The following CDH23 variants were observed in gnomAD, a reference collection of about 807,000 sequenced individuals.
CDH23 encodes the protein cadherin-23.
CDH23 carries 189 observed loss-of-function variants against 317.1 expected under a neutral mutation model. The observed-to-expected ratio is 0.60, with a 90% CI of 0.53 to 0.67. CDH23 has a LOEUF of 0.67. Among genes scored for constraint, CDH23 ranks in the 30% least tolerant of loss-of-function variants. CDH23 has a pLI of 0.00. For synonymous variants in CDH23, 1,839 were observed against 1,876.8 expected (o/e 0.98, Z 0.52); for missense variants, 4,401 against 4,592.4 (o/e 0.96, Z 1.20).
chr10:71,672,988 A>T (rs1489511271), intron 14 of CDH23, among the ~76,000 whole-genome samples: 1 of 151,338 alleles, frequency 6.6e-6, no homozygotes, highest in African/African-American at 2.4e-5. Context: ...TCCACCTCCT[A>T]GCCTGCTGTC....
At chr10:71,743,818 T>C (rs9415036) in intron 38 of CDH23, among the ~76,000 whole-genome samples, 116,198 of 152,128 alleles carry the variant, frequency 0.76, 44,591 homozygotes, top group East Asian at 0.82. Flanking sequence ...TGCATTTTCC[T>C]ACAGAGCAAA....
intron 6 of CDH23, among the ~76,000 whole-genome samples, chr10:71,529,319 C>T (rs973287037): frequency 5.3e-5 from 8 of 152,176 alleles, no homozygotes; most frequent in Non-Finnish European, 1.2e-4. Context: ...GAGGGACCCA[C>T]CCAGGGTGGC....
At chr10:71,439,373 T>G (rs994616171) in intron 1 of CDH23, among the ~76,000 whole-genome samples, 2 of 152,200 alleles carry the variant, frequency 1.3e-5, no homozygotes, top group Non-Finnish European at 2.9e-5. Context: ...CCAAGCCCCC[T>G]GTTAGACCGC....
chr10:71,436,757 C>T (rs1197666756), intron 1 of CDH23, among the ~76,000 whole-genome samples: 3 of 152,222 alleles, frequency 2.0e-5, no homozygotes, highest in African/African-American at 7.2e-5. Context: ...ATGGTGTGCT[C>T]TCCCCAGCTA....
In CDH23 at chr10:71,806,209, C is replaced by G. The variant is rs558564568; in HGVS notation, c.8106C>G (p.Tyr2702Ter). Residue 2702 changes from tyrosine to a stop codon, truncating the protein, a stop_gained, in exon 57 of 70, where the codon TAC becomes TAG. Transcript: ENST00000224721. LOFTEE classifies it high-confidence loss of function. ...GCGACCTGGGCCAGCCAGTGCCATA[C>G]GAGACTATGCAGCCGCTGCAGGTGG... ...VASDLGQPVP[Y>*]ETMQPLQVAL... The G allele has an allele frequency of 1.9e-6, 3 of 1,578,716 alleles. No homozygotes were observed. Among genetic ancestry groups the G allele is most frequent in the Non-Finnish European group, 1.7e-6 (2 of 1,162,510 alleles).
intron 9 of CDH23, among the ~76,000 whole-genome samples, chr10:71,588,123 G>T (rs995367778): frequency 3.3e-5 from 5 of 152,146 alleles, no homozygotes; most frequent in African/African-American, 1.2e-4. Context: ...CAGCCAGATG[G>T]AGTTCTAGTT....
At chr10:71,653,414 G>A (rs1023607532) in intron 14 of CDH23, among the ~76,000 whole-genome samples, 8 of 152,170 alleles carry the variant, frequency 5.3e-5, no homozygotes, top group African/African-American at 1.7e-4. Flanking sequence ...CAGCCTTCAG[G>A]CTCAGAGATC....
rs542998518 is a variant in CDH23 at position 71,807,509 on chromosome 10, C to G, written c.8309-7C>G. On this transcript the variant is annotated splice_region_variant and splice_polypyrimidine_tract_variant and intron_variant, in intron 58 of 69. Coordinates refer to ENST00000224721, the MANE Select transcript of CDH23 (RefSeq NM_022124.6). Reference sequence around the variant, plus strand: ...CCCCTCACCCTGTGCCATGATCCCACCCTCAGCCGGCAACGAAGAGAAGAA... The same window carrying G: ...CCCCTCACCCTGTGCCATGATCCCAGCCTCAGCCGGCAACGAAGAGAAGAA... 1 of 1,613,574 alleles carries G rather than the reference C, an allele frequency of 6.2e-7. No individual in the cohort carries two copies. The highest frequency in any genetic ancestry group is 8.5e-7 in the Non-Finnish European group (1 of 1,179,670).
At chr10:71,675,972 C>A (rs1864349418) in intron 15 of CDH23, among the ~76,000 whole-genome samples, 1 of 134,044 alleles carries the variant, frequency 7.5e-6, no homozygotes, top group South Asian at 2.4e-4. Context: ...ATGGTGCAAT[C>A]TCAGCTCAAA....
intron 6 of CDH23, among the ~76,000 whole-genome samples, chr10:71,526,082 G>A (rs1036192326): frequency 1.3e-5 from 2 of 152,210 alleles, no homozygotes; most frequent in East Asian, 1.9e-4. Context: ...GCAAAAGCTC[G>A]GCCCTCTGCA....
At chr10:71,540,238 A>G (rs766925044) in intron 6 of CDH23, among the ~76,000 whole-genome samples, 1 of 152,148 alleles carries the variant, frequency 6.6e-6, no homozygotes, top group Non-Finnish European at 1.5e-5. Context: ...GGTCTGCACT[A>G]GGGAACCCAC....
chr10:71,441,072 G>A (rs1849853656), intron 2 of CDH23, among the ~76,000 whole-genome samples: 1 of 152,144 alleles, frequency 6.6e-6, no homozygotes, highest in African/African-American at 2.4e-5. Context: ...CAGGAGTACA[G>A]CACAGTCTCA....
At chr10:71,812,095 G>T (rs1841949694) in intron 66 of CDH23, 80 bp downstream of exon 66, 3 of 1,609,590 alleles carry the variant, frequency 1.9e-6, no homozygotes, top group African/African-American at 1.3e-5. Context: ...CAGTCTCCCA[G>T]CGCTGGGGCT....
chr10:71,529,761 C>T (rs115258547), intron 6 of CDH23, among the ~76,000 whole-genome samples: 4,074 of 152,102 alleles, frequency 0.027, 186 homozygotes, highest in African/African-American at 0.093. Flanking sequence ...GGGTGGCTCC[C>T]GGCCACCTGA....
In CDH23 at chr10:71,779,415, T is replaced by A. The variant is rs1589416991; in HGVS notation, c.5336T>A (p.Val1779Glu). 1 of 1,612,328 alleles carries A rather than the reference T, an allele frequency of 6.2e-7. No individual in the cohort carries two copies. Among genetic ancestry groups the A allele is most frequent in the South Asian group, 1.1e-5 (1 of 91,018 alleles). The change falls in exon 41 of 70, where the codon GTG becomes GAG. Residue 1779 changes from valine (V) to glutamate (E), a missense_variant. Val to Glu is a moderately radical substitution (Grantham distance 121). Transcript: ENST00000224721. Reference sequence around the variant, plus strand: ...CGAGACTCAGGACCCAACGGGCAGGTGGAGTACAGCATCATGGATGGAGAC... The same window carrying A: ...CGAGACTCAGGACCCAACGGGCAGGAGGAGTACAGCATCATGGATGGAGAC... The part of the protein sequence containing the change: ...HDRDSGPNGQ[V>E]EYSIMDGDPL...
intron 9 of CDH23, among the ~76,000 whole-genome samples, chr10:71,589,267 C>G (rs541259999): frequency 1.3e-5 from 2 of 152,078 alleles, no homozygotes; most frequent in Non-Finnish European, 2.9e-5. Flanking sequence ...CTACAGGCAC[C>G]CGCCACCACA....
At chr10:71,604,066 G>A (rs574900630) in intron 9 of CDH23, among the ~76,000 whole-genome samples, 24 of 152,268 alleles carry the variant, frequency 1.6e-4, no homozygotes, top group Admixed American at 1.3e-3. Context: ...GTGACTTCAG[G>A]CAAATCATTT....
Position 71,740,893 on chromosome 10 carries a change from C to A in CDH23, c.4560C>A (p.Ile1520=), listed in dbSNP as rs1319263813. The A allele has an allele frequency of 1.2e-6, 2 of 1,614,010 alleles. No homozygotes were observed. The highest frequency in any genetic ancestry group is 1.7e-6 in the Non-Finnish European group (2 of 1,179,894). Residue 1520 remains isoleucine, a synonymous_variant, in exon 37 of 70, where the codon ATC becomes ATA. Transcript: ENST00000224721. ...TCCTGCAGGTGACCATCCTGGACATCAATGACAACCCTCCAGTCATCGAGA... is the reference window on the plus strand; with the variant it reads ...TCCTGCAGGTGACCATCCTGGACATAAATGACAACCCTCCAGTCATCGAGA... The part of the protein sequence containing the change: ...DHILQVTILD[I]NDNPPVIESP...
At chr10:71,487,095 A>G (rs753740073) in intron 3 of CDH23, among the ~76,000 whole-genome samples, 2 of 152,140 alleles carry the variant, frequency 1.3e-5, no homozygotes, top group Non-Finnish European at 2.9e-5. Context: ...CCTGCCTGGA[A>G]TGGCCTTCTC....
Sources: gnomAD v4.1 joint callset for allele counts (sites outside exome capture counted in the v4.1 genomes callset) on GRCh38, gnomAD v4.1.1 for gene constraint, MANE v1.5 for transcripts, NCBI Gene and HGNC (gene_info 2026-07-23, HGNC 2026-07-21) for gene names.